NRCAM: variants seen among roughly 807,000 people sequenced by gnomAD.
The protein encoded by NRCAM is NgCAM-related cell adhesion molecule.
A neutral mutation model predicts 156.5 loss-of-function variants in NRCAM; 83 were observed. That is an observed-to-expected ratio of 0.53 (90% confidence interval 0.44 to 0.64). NRCAM has a LOEUF of 0.64. Among genes scored for constraint, NRCAM ranks in the 30% least tolerant of loss-of-function variants. NRCAM has a pLI of 0.00. For missense variants in NRCAM, 1,417 were observed against 1,597.3 expected, an observed-to-expected ratio of 0.89 and a Z score of 1.92; for synonymous variants, 538 against 563.9, an observed-to-expected ratio of 0.95 and a Z score of 0.65.
chr7:108,383,032 G>C (rs1595858153), intron 2 of NRCAM, among the ~76,000 whole-genome samples: 1 of 152,232 alleles, frequency 6.6e-6, no homozygotes, highest in Non-Finnish European at 1.5e-5. Context: ...AAATGACACA[G>C]TGGCTGTAAT....
chr7:108,389,541 C>CTT (rs2099752909), intron 2 of NRCAM, among the ~76,000 whole-genome samples: 1 of 152,150 alleles, frequency 6.6e-6, no homozygotes, highest in Non-Finnish European at 1.5e-5. Context: ...ACTGAATACC[C>CTT]TTTATTTCTT....
intron 19 of NRCAM, 139 bp from the exon 20 acceptor site, chr7:108,189,885 A>G (rs1191938254): frequency 1.3e-5 from 7 of 548,576 alleles, no homozygotes; most frequent in Middle Eastern, 3.8e-4. Flanking sequence ...CTGAAAGGAA[A>G]TGTGCACAGC....
intron 19 of NRCAM, 115 bp downstream of exon 19, chr7:108,191,139 G>A (rs2071173573): frequency 7.7e-6 from 6 of 777,450 alleles, no homozygotes; most frequent in African/African-American, 3.5e-5. Context: ...AACTGACAGA[G>A]ACCTTTTCCT....
At chr7:108,320,297 A>C (rs2154201993) in intron 2 of NRCAM, among the ~76,000 whole-genome samples, 1 of 152,138 alleles carries the variant, frequency 6.6e-6, no homozygotes, top group African/African-American at 2.4e-5. Context: ...GTGAAAAATA[A>C]AAATAAAAAT....
intron 3 of NRCAM, among the ~76,000 whole-genome samples, chr7:108,259,832 G>A (rs955223828): frequency 6.6e-6 from 1 of 152,094 alleles, no homozygotes; most frequent in Admixed American, 6.5e-5. Context: ...AACACACACT[G>A]GGGCCTGTCG....
At chr7:108,267,125 A>G (rs2097137757) in intron 3 of NRCAM, among the ~76,000 whole-genome samples, 1 of 152,248 alleles carries the variant, frequency 6.6e-6, no homozygotes. Flanking sequence ...GAAAACTCTG[A>G]GCTTAGGGAA....
intron 2 of NRCAM, among the ~76,000 whole-genome samples, chr7:108,339,990 TA>T: frequency 6.6e-6 from 1 of 152,308 alleles, no homozygotes; most frequent in African/African-American, 2.4e-5. Context: ...AACACTATCT[TA>T]CAGCTAGACC....
intron 15 of NRCAM, among the ~76,000 whole-genome samples, chr7:108,195,238 G>A (rs2074312100): frequency 6.6e-6 from 1 of 151,966 alleles, no homozygotes; most frequent in Non-Finnish European, 1.5e-5. Flanking sequence ...GTGCTTGATA[G>A]AGTGTGCTGC....
intron 1 of NRCAM, among the ~76,000 whole-genome samples, chr7:108,439,645 A>C (rs1179435641): frequency 3.3e-5 from 5 of 152,014 alleles, no homozygotes; most frequent in Non-Finnish European, 7.4e-5. Context: ...ACCTGAGGTC[A>C]GGAGTTTGAG....
chr7:108,176,400 TTA>T, intron 27 of NRCAM, 28 bp downstream of exon 27: 1 of 1,580,186 alleles, frequency 6.3e-7, no homozygotes, highest in East Asian at 2.2e-5. Flanking sequence ...ATGCTTATAA[TTA>T]TATGGATTTT....
intron 1 of NRCAM, among the ~76,000 whole-genome samples, chr7:108,420,021 C>A (rs996551523): frequency 6.7e-6 from 1 of 148,346 alleles, no homozygotes; most frequent in Non-Finnish European, 1.5e-5. Context: ...TAAGTACTTA[C>A]AAATATTTTA....
intron 3 of NRCAM, among the ~76,000 whole-genome samples, chr7:108,240,895 T>C (rs1208153929): frequency 6.6e-6 from 1 of 152,234 alleles, no homozygotes; most frequent in Non-Finnish European, 1.5e-5. Context: ...TATTTCCATA[T>C]AACCATTTTT....
At chr7:108,160,534 G>C (rs1451555294) in intron 30 of NRCAM, 42 bp from the exon 31 acceptor site, 6 of 1,591,402 alleles carry the variant, frequency 3.8e-6, no homozygotes, top group Non-Finnish European at 4.3e-6. Context: ...TAGGTTAAGG[G>C]GAGATGGGAA....
intron 3 of NRCAM, among the ~76,000 whole-genome samples, chr7:108,258,419 C>A (rs2096765835): frequency 1.3e-5 from 2 of 152,216 alleles, no homozygotes; most frequent in Admixed American, 1.3e-4. Flanking sequence ...GCCCTCTCAA[C>A]TCCTTTTCCT....
chr7:108,454,394 C>T (rs997676224), intron 1 of NRCAM, among the ~76,000 whole-genome samples: 6 of 152,224 alleles, frequency 3.9e-5, no homozygotes, highest in East Asian at 1.9e-4. Context: ...CACTCCCCTA[C>T]TTCCTAGCTG....
At chr7:108,456,066 G>A (rs1218553738) in intron 1 of NRCAM, among the ~76,000 whole-genome samples, 177 bp downstream of exon 1, 1 of 152,004 alleles carries the variant, frequency 6.6e-6, no homozygotes, top group Non-Finnish European at 1.5e-5. Flanking sequence ...CAGGGGAGAA[G>A]GGAGTTGGAG....
intron 17 of NRCAM, among the ~76,000 whole-genome samples, chr7:108,192,947 C>CTA (rs1178299863): frequency 6.6e-6 from 1 of 152,142 alleles, no homozygotes; most frequent in Admixed American, 6.5e-5. Flanking sequence ...ATGAAACTGC[C>CTA]TAAGTCATAA....
In NRCAM at chr7:108,225,581, T is replaced by C. The variant is rs974137896; in HGVS notation, c.778+64A>G. 8 of 934,594 alleles carry C rather than the reference T, an allele frequency of 8.6e-6. No homozygotes were observed. In the African/African-American group the frequency reaches 9.7e-5, roughly 11 times the overall value. The allele number at this position is 934,594 out of a possible 1,614,324, so 57.9% of individuals were successfully genotyped here. On this transcript the variant is annotated intron_variant, in intron 10 of 32. Coordinates refer to ENST00000379028, the MANE Select transcript of NRCAM (RefSeq NM_001037132.4). ...AAATAAGGTTAAATAGTCATGGAGG[T>C]GAAGTTAGTGAACTAAATTCTACAA...
chr7:108,289,034 GA>G (rs942282735), intron 3 of NRCAM, among the ~76,000 whole-genome samples: 3 of 152,068 alleles, frequency 2.0e-5, no homozygotes, highest in African/African-American at 7.2e-5. Flanking sequence ...AAACTTCGCT[GA>G]AACAAAAGTT....
Sources: gnomAD v4.1 joint callset for allele counts (sites outside exome capture counted in the v4.1 genomes callset) on GRCh38, gnomAD v4.1.1 for gene constraint, MANE v1.5 for transcripts, NCBI Gene and HGNC (gene_info 2026-07-23, HGNC 2026-07-21) for gene names.